KLRG1: variants seen among roughly 807,000 people sequenced by gnomAD.
KLRG1 encodes killer cell lectin-like receptor subfamily G member 1.
KLRG1 carries 16 observed loss-of-function variants against 21.8 expected under a neutral mutation model. The ratio of observed to expected loss-of-function variants is 0.73; its 90% confidence interval spans 0.50 to 1.11. The LOEUF (loss-of-function observed/expected upper bound fraction) is 1.11, where lower values mean the gene tolerates loss of function less well. Ranked by LOEUF, KLRG1 falls within the 50% of genes most tolerant of loss-of-function variation. KLRG1 has a pLI of 0.00. For missense variants in KLRG1, 173 were observed against 218.3 expected, an observed-to-expected ratio of 0.79 and a Z score of 1.31; for synonymous variants, 69 against 75.9, an observed-to-expected ratio of 0.91 and a Z score of 0.47.
Position 8,995,304 on chromosome 12 carries a change from T to C in KLRG1, c.357+16T>C. On this transcript the variant is annotated intron_variant, in intron 3 of 4. Transcript: ENST00000356986. ...TCAGGAAATGGTAAATGCAAACATT[T>C]AGAAAATGTAGGGTTTTTGTTTTGT... 6.3e-7 allele frequency: 1 copy of C among 1,593,512 alleles called. No individual in the cohort carries two copies. Among genetic ancestry groups the C allele is most frequent in the African/African-American group, 1.4e-5 (1 of 73,572 alleles).
the KLRG1 span, among the ~76,000 whole-genome samples, chr12:9,065,475 C>T: frequency 2.0e-5 from 3 of 152,166 alleles, no homozygotes. Flanking sequence ...ACAGCCTGGC[C>T]GAGCGTGCAC....
chr12:9,155,052 G>A, the KLRG1 span, among the ~76,000 whole-genome samples: 1 of 152,150 alleles, frequency 6.6e-6, no homozygotes, highest in Admixed American at 6.5e-5. Context: ...GTTGATGGAG[G>A]AAGAAGCATA....
chr12:9,006,953 A>C (rs1947491012), intron 3 of KLRG1, among the ~76,000 whole-genome samples: 1 of 152,254 alleles, frequency 6.6e-6, no homozygotes, highest in Non-Finnish European at 1.5e-5. Flanking sequence ...ACGCAAAGGG[A>C]TTTTGCAAAC....
the KLRG1 span, among the ~76,000 whole-genome samples, chr12:9,154,037 G>C: frequency 6.6e-6 from 1 of 152,224 alleles, no homozygotes; most frequent in South Asian, 2.1e-4. Context: ...CCTTGGAGTA[G>C]TTGAAATGGA....
the KLRG1 span, chr12:9,157,421 G>T: frequency 2.8e-6 from 4 of 1,412,246 alleles, no homozygotes; most frequent in Non-Finnish European, 2.9e-6. Context: ...CTGAGAGCTG[G>T]ATATTGACAG....
chr12:9,056,262 C>T, the KLRG1 span, among the ~76,000 whole-genome samples: 11 of 152,188 alleles, frequency 7.2e-5, no homozygotes, highest in East Asian at 1.9e-3. Context: ...TGCGTGATCA[C>T]AAAAATGTCA....
At chr12:9,091,552 T>G in the KLRG1 span, 1 of 965,348 alleles carries the variant, frequency 1.0e-6, no homozygotes, top group Non-Finnish European at 1.5e-6. Context: ...ATACCAATAA[T>G]GGAGAGTATA....
the KLRG1 span, chr12:9,112,325 GGAA>G: frequency 1.4e-5 from 23 of 1,598,440 alleles, no homozygotes; most frequent in South Asian, 2.2e-4. Context: ...AACATCCAGG[GGAA>G]GAAGATCTTT....
chr12:9,070,981 C>T, the KLRG1 span, among the ~76,000 whole-genome samples: 5 of 152,050 alleles, frequency 3.3e-5, no homozygotes, highest in African/African-American at 7.3e-5. Flanking sequence ...CCACCACGTC[C>T]GACTAATTTT....
chr12:9,204,271 C>G, the KLRG1 span, among the ~76,000 whole-genome samples: 2 of 152,142 alleles, frequency 1.3e-5, no homozygotes, highest in African/African-American at 2.4e-5. Flanking sequence ...TAAAAAGAAT[C>G]TGAATTCTTG....
At chr12:8,976,505 C>CT (rs1224870845) in intron 1 of KLRG1, among the ~76,000 whole-genome samples, 1 of 152,058 alleles carries the variant, frequency 6.6e-6, no homozygotes, top group Non-Finnish European at 1.5e-5. Flanking sequence ...CAATCAGCTG[C>CT]TTTTTTAATT....
the KLRG1 span, among the ~76,000 whole-genome samples, chr12:9,205,485 C>A: frequency 6.6e-6 from 1 of 152,172 alleles, no homozygotes; most frequent in Admixed American, 6.5e-5. Flanking sequence ...TCTCCATGTT[C>A]ATGGAAGCTA....
chr12:9,009,373 C>T, intron 4 of KLRG1, 53 bp from the exon 5 acceptor site: 2 of 1,604,036 alleles, frequency 1.2e-6, no homozygotes, highest in Non-Finnish European at 8.5e-7. Context: ...TGCCTTTCAA[C>T]TCCTTTTCTG....
At chr12:8,988,742 G>A (rs1946888326), upstream of KLRG1, among the ~76,000 whole-genome samples, 1 of 151,964 alleles carries the variant, frequency 6.6e-6, no homozygotes, top group African/African-American at 2.4e-5. Context: ...ACCACACCCA[G>A]CTAATTTTTT....
chr12:9,158,535 G>A, the KLRG1 span: 12 of 1,614,088 alleles, frequency 7.4e-6, no homozygotes, highest in Non-Finnish European at 1.0e-5. Context: ...GAAGATGTAG[G>A]ATCGAGCCTG....
At chr12:9,038,743 A>G in the KLRG1 span, among the ~76,000 whole-genome samples, 1 of 152,008 alleles carries the variant, frequency 6.6e-6, no homozygotes, top group Non-Finnish European at 1.5e-5. Context: ...GTAGAGGAAA[A>G]CAAAAATTAG....
At chr12:9,085,488 C>T in the KLRG1 span, among the ~76,000 whole-genome samples, 1 of 151,926 alleles carries the variant, frequency 6.6e-6, no homozygotes, top group East Asian at 1.9e-4. Context: ...TGGAGCATAA[C>T]AAAACATAGC....
the KLRG1 span, chr12:9,113,401 G>A: frequency 6.2e-7 from 1 of 1,613,634 alleles, no homozygotes; most frequent in East Asian, 2.2e-5. Flanking sequence ...TCCGCCTCCA[G>A]GTCAGTGAAG....
chr12:9,005,516 C>T (rs939430213), intron 3 of KLRG1, among the ~76,000 whole-genome samples: 11 of 151,994 alleles, frequency 7.2e-5, no homozygotes, highest in South Asian at 2.1e-4. Context: ...TGCATGTTCT[C>T]GCTTATGTGA....
Sources: allele counts gnomAD v4.1 joint callset (sites outside exome capture counted in the v4.1 genomes callset), GRCh38; gene constraint gnomAD v4.1.1; transcripts MANE v1.5; gene names NCBI Gene and HGNC (gene_info 2026-07-23, HGNC 2026-07-21).